The following RPH3A variants were observed in gnomAD, a reference collection of about 807,000 sequenced individuals.
The protein encoded by RPH3A is rabphilin 3A.
In RPH3A, 48 loss-of-function variants were observed where a neutral mutation model predicts 102.2. That is an observed-to-expected ratio of 0.47 (90% CI 0.37 to 0.60). The LOEUF (loss-of-function observed/expected upper bound fraction) is 0.60, where lower values mean the gene tolerates loss of function less well. Ranked by LOEUF, RPH3A falls within the 20% of genes least tolerant of loss-of-function variation. RPH3A has a pLI of 0.00. For synonymous variants in RPH3A, 310 were observed against 324.3 expected (o/e 0.96, Z 0.47); for missense variants, 781 against 910.1 (o/e 0.86, Z 1.83).
In RPH3A at chr12:112,868,595, G is replaced by C; in HGVS notation, c.610G>C (p.Gly204Arg). 6.2e-7 allele frequency: 1 copy of C among 1,613,638 alleles called. No homozygotes were observed. The highest frequency in any genetic ancestry group is 8.5e-7 in the Non-Finnish European group (1 of 1,179,770). The change falls in exon 8 of 22, where the codon GGT becomes CGT. Residue 204 changes from glycine to arginine, a missense_variant and splice_region_variant. Transcript: ENST00000389385. ...GCACCCTGCCCGGGCTCCAGCTCGA[G>C]GTAGGACAAAACAGGTGCTTCTTTC... ...PKHPARAPAR[G>R]DSEDRRGPGQ...
chr12:112,652,068 A>G (rs907269532), intron 1 of RPH3A, among the ~76,000 whole-genome samples: 4 of 152,200 alleles, frequency 2.6e-5, no homozygotes, highest in African/African-American at 9.7e-5. Flanking sequence ...ATTTATGTAC[A>G]AATGTCCATT....
In RPH3A at chr12:112,725,269, A is replaced by C. The variant is rs977360067; in HGVS notation, c.-139-66874A>C. Among the ~76,000 whole-genome samples, 38 of 151,276 alleles carry C rather than the reference A, an allele frequency of 2.5e-4. No homozygotes were observed. The East Asian group carries it at 2.7e-3, about 11-fold the overall frequency. ...GTCTCAGAAAAAAAAAAAAAAAAAA[A>C]AAAAAAAAAACACGTTTTAATGAAT... On this transcript the variant is annotated intron_variant, in intron 1 of 21. Coordinates refer to the RPH3A transcript ENST00000543106.
chr12:112,801,121 C>A (rs778522614), intron 2 of RPH3A, among the ~76,000 whole-genome samples: 2 of 152,072 alleles, frequency 1.3e-5, no homozygotes, highest in African/African-American at 4.8e-5. Flanking sequence ...CCAGGGGCTG[C>A]GGGAAAGGCT....
At chr12:112,640,124 C>T (rs2039876538) in intron 1 of RPH3A, among the ~76,000 whole-genome samples, 1 of 151,348 alleles carries the variant, frequency 6.6e-6, no homozygotes, top group African/African-American at 2.4e-5. Context: ...AGTTCCAGAA[C>T]AGCCTGACCA....
At chr12:112,869,835 G>A (rs368654367) in intron 9 of RPH3A, 38 bp downstream of exon 9, 28 of 1,613,998 alleles carry the variant, frequency 1.7e-5, no homozygotes, top group Admixed American at 8.3e-5. Context: ...TTTGAGACAC[G>A]AATTCACCTA....
At chr12:112,597,976 A>G (rs1262033177) in intron 1 of RPH3A, among the ~76,000 whole-genome samples, 1 of 152,212 alleles carries the variant, frequency 6.6e-6, no homozygotes, top group Non-Finnish European at 1.5e-5. Context: ...TTCCAGGACT[A>G]CAAACAACTT....
chr12:112,770,607 G>A (rs1311265249), intron 1 of RPH3A, among the ~76,000 whole-genome samples: 1 of 152,192 alleles, frequency 6.6e-6, no homozygotes, highest in Non-Finnish European at 1.5e-5. Flanking sequence ...GCCTCCTAAA[G>A]TGTTGCAGTT....
At chr12:112,845,668 G>A (rs533543935) in intron 4 of RPH3A, among the ~76,000 whole-genome samples, 1 of 152,266 alleles carries the variant, frequency 6.6e-6, no homozygotes, top group South Asian at 2.1e-4. Context: ...GGCCACTAGG[G>A]ACCAGGTCTT....
intron 2 of RPH3A, among the ~76,000 whole-genome samples, chr12:112,796,093 T>C (rs1396395093): frequency 6.6e-6 from 1 of 152,160 alleles, no homozygotes; most frequent in Non-Finnish European, 1.5e-5. Flanking sequence ...AGTTTCTTCA[T>C]CTGTGAAATG....
intron 1 of RPH3A, among the ~76,000 whole-genome samples, chr12:112,719,376 G>A (rs181911459): frequency 1.2e-3 from 188 of 152,248 alleles, no homozygotes; most frequent in African/African-American, 4.5e-3. Context: ...AATGTAGAAC[G>A]CATACCTCAG....
chr12:112,812,092 A>C (rs935233826), intron 2 of RPH3A, among the ~76,000 whole-genome samples: 1 of 152,196 alleles, frequency 6.6e-6, no homozygotes, highest in Non-Finnish European at 1.5e-5. Flanking sequence ...GATTGCAACA[A>C]AAGTCTGAGC....
chr12:112,883,376 T>G lies in RPH3A; in HGVS notation c.1410T>G (p.Asp470Glu). Residue 470 changes from aspartate to glutamate, a missense_variant, in exon 16 of 22, where the codon GAT (aspartate) becomes GAG (glutamate). Coordinates refer to ENST00000389385, the MANE Select transcript of RPH3A (RefSeq NM_001143854.2). Reference sequence around the variant, plus strand: ...CCCTCGTGTATCACGGCATCACCGATGAGGACATGCAAAGGAAGACCCTCA... The same window carrying G: ...CCCTCGTGTATCACGGCATCACCGAGGAGGACATGCAAAGGAAGACCCTCA... The part of the protein sequence containing the change: ...NETLVYHGIT[D>E]EDMQRKTLRI... 6.2e-7 allele frequency: 1 copy of G among 1,613,944 alleles called. No individual in the cohort carries two copies. The highest frequency in any genetic ancestry group is 8.5e-7 in the Non-Finnish European group (1 of 1,179,932).
At chr12:112,672,544 G>A (rs1341927889) in intron 1 of RPH3A, among the ~76,000 whole-genome samples, 1 of 152,176 alleles carries the variant, frequency 6.6e-6, no homozygotes, top group African/African-American at 2.4e-5. Context: ...AAAGGACTCA[G>A]CATAGCACTT....
At chr12:112,618,594 G>A (rs1195740232) in intron 1 of RPH3A, among the ~76,000 whole-genome samples, 3 of 152,082 alleles carry the variant, frequency 2.0e-5, no homozygotes, top group African/African-American at 4.8e-5. Flanking sequence ...ATCTTGTAAC[G>A]TAGAGACTCA....
Position 112,727,654 on chromosome 12 carries a change from A to G in RPH3A, c.-139-64489A>G, listed in dbSNP as rs566960635. ...TTAAACTTGGAGGGATAGAACCCTG[A>G]AAATACTGGGAGCATTGCATGGAGT... On this transcript the variant is annotated intron_variant, in intron 1 of 21. Transcript: ENST00000543106. 7.8e-4 allele frequency among the ~76,000 whole-genome samples: 118 copies of G among 152,182 alleles called. 1 individual carries two copies. Among genetic ancestry groups the G allele is most frequent in the South Asian group, 7.3e-3 (35 of 4,814 alleles).
intron 1 of RPH3A, among the ~76,000 whole-genome samples, chr12:112,700,410 G>A (rs1054397898): frequency 6.6e-6 from 1 of 152,094 alleles, no homozygotes; most frequent in Non-Finnish European, 1.5e-5. Context: ...ATCTTTACTA[G>A]CCATACAGCC....
At chr12:112,826,788 A>C (rs926206871) in intron 2 of RPH3A, among the ~76,000 whole-genome samples, 2 of 152,242 alleles carry the variant, frequency 1.3e-5, no homozygotes, top group African/African-American at 4.8e-5. Context: ...GTCATTGCTC[A>C]CCAGCATTCC....
intron 3 of RPH3A, among the ~76,000 whole-genome samples, chr12:112,831,198 C>T (rs1237783350): frequency 1.9e-5 from 1 of 53,350 alleles, no homozygotes; most frequent in African/African-American, 1.3e-4. Context: ...CTTTTCTACT[C>T]TCTTGTTTTT....
intron 1 of RPH3A, among the ~76,000 whole-genome samples, chr12:112,619,392 T>C (rs943309078): frequency 6.6e-6 from 1 of 151,882 alleles, no homozygotes; most frequent in Non-Finnish European, 1.5e-5. Context: ...TTCAAGTGAT[T>C]CTCGTGCCTC....
Sources: allele counts gnomAD v4.1 joint callset (sites outside exome capture counted in the v4.1 genomes callset), GRCh38; gene constraint gnomAD v4.1.1; transcripts MANE v1.5; gene names NCBI Gene and HGNC (gene_info 2026-07-23, HGNC 2026-07-21).